GRID1: variants seen among roughly 807,000 people sequenced by gnomAD.
GRID1 encodes glutamate receptor ionotropic, delta-1.
GRID1 carries 28 observed loss-of-function variants against 98.0 expected under a neutral mutation model. That is an observed-to-expected ratio of 0.29 (90% CI 0.21 to 0.39). The LOEUF (loss-of-function observed/expected upper bound fraction) is 0.39, where lower values mean the gene tolerates loss of function less well. Among genes scored for constraint, GRID1 ranks in the 10% least tolerant of loss-of-function variants. GRID1 has a pLI of 1.00. For synonymous variants in GRID1, 553 were observed against 538.5 expected (o/e 1.03, Z -0.37); for missense variants, 1,111 against 1,340.5 (o/e 0.83, Z 2.67).
intron 12 of GRID1, among the ~76,000 whole-genome samples, chr10:85,670,289 A>C (rs894865632): frequency 4.6e-5 from 7 of 152,140 alleles, no homozygotes; most frequent in African/African-American, 1.7e-4. Flanking sequence ...TAGACGATTC[A>C]AAGACCAAAA....
intron 5 of GRID1, among the ~76,000 whole-genome samples, chr10:85,882,395 T>C: frequency 2.0e-5 from 3 of 152,072 alleles, no homozygotes; most frequent in African/African-American, 7.3e-5. Flanking sequence ...AATGATAGAC[T>C]GGATTAAGAA....
intron 2 of GRID1, among the ~76,000 whole-genome samples, chr10:86,300,777 C>T (rs1359615372): frequency 2.6e-5 from 4 of 152,076 alleles, no homozygotes; most frequent in Admixed American, 6.5e-5. Flanking sequence ...TTTCCCCGGG[C>T]TCCAGTCCGC....
chr10:85,938,859 C>G (rs1277383815), intron 4 of GRID1, among the ~76,000 whole-genome samples: 1 of 152,190 alleles, frequency 6.6e-6, no homozygotes, highest in African/African-American at 2.4e-5. Flanking sequence ...CAACAACAAT[C>G]TCTCATATTC....
intron 2 of GRID1, among the ~76,000 whole-genome samples, chr10:86,246,195 C>G (rs1383882106): frequency 6.6e-6 from 1 of 152,234 alleles, no homozygotes; most frequent in African/African-American, 2.4e-5. Flanking sequence ...TTAGAGCCAG[C>G]CTGGAGGGCA....
At chr10:86,153,568 A>G (rs1048387666) in intron 3 of GRID1, among the ~76,000 whole-genome samples, 1 of 152,188 alleles carries the variant, frequency 6.6e-6, no homozygotes, top group Non-Finnish European at 1.5e-5. Flanking sequence ...TTCCATGTCT[A>G]GGGACATCAT....
chr10:86,149,592 G>T (rs1448609838), intron 3 of GRID1, among the ~76,000 whole-genome samples: 2 of 152,200 alleles, frequency 1.3e-5, no homozygotes. Flanking sequence ...AATCAGGCTG[G>T]AAGATCGAGA....
intron 3 of GRID1, among the ~76,000 whole-genome samples, chr10:86,200,928 T>C (rs529630764): frequency 1.8e-4 from 27 of 152,264 alleles, no homozygotes; most frequent in Admixed American, 1.2e-3. Context: ...CAAGTGTTGG[T>C]GAGGTTAGGG....
Position 85,775,285 on chromosome 10 carries a change from AT to A in GRID1, c.1234-45672del, listed in dbSNP as rs566607676. Among the ~76,000 whole-genome samples the A allele has an allele frequency of 3.4e-3, 459 of 136,674 alleles. 3 individuals are homozygous for A. The highest frequency in any genetic ancestry group is 0.012 in the African/African-American group (436 of 37,024). The allele number at this position is 136,674 out of a possible 152,430, so 89.7% of individuals were successfully genotyped here. A position where few individuals can be genotyped will look rare whatever the true frequency, so the allele number is the denominator to read the frequency against. ...GGTGGGAATTGAACAATGAGAACACATGGACACAGGAAGGGGAACATCACAC... is the reference window on the plus strand; with the variant it reads ...GGTGGGAATTGAACAATGAGAACACAGGACACAGGAAGGGGAACATCACAC... On this transcript the variant is annotated intron_variant, in intron 8 of 15. Coordinates refer to ENST00000327946, the MANE Select transcript of GRID1 (RefSeq NM_017551.3).
intron 12 of GRID1, among the ~76,000 whole-genome samples, chr10:85,710,169 C>T (rs1274056880): frequency 2.0e-5 from 3 of 151,942 alleles, no homozygotes; most frequent in East Asian, 1.9e-4. Flanking sequence ...ATAGCCAAAA[C>T]GTCTTGGAAA....
At chr10:86,246,284 C>T (rs1428904391) in intron 2 of GRID1, among the ~76,000 whole-genome samples, 1 of 152,248 alleles carries the variant, frequency 6.6e-6, no homozygotes, top group South Asian at 2.1e-4. Context: ...CAGGTAAAGC[C>T]ACAGGGCCTT....
intron 10 of GRID1, among the ~76,000 whole-genome samples, chr10:85,725,392 C>T (rs1411063663): frequency 6.6e-6 from 1 of 152,136 alleles, no homozygotes; most frequent in Non-Finnish European, 1.5e-5. Context: ...TCTGGATGTG[C>T]CCTACTATGA....
chr10:85,881,393 C>G (rs1240149934), intron 5 of GRID1, among the ~76,000 whole-genome samples: 2 of 152,154 alleles, frequency 1.3e-5, no homozygotes. Flanking sequence ...GCTACAGTCA[C>G]CAAAACAGCA....
chr10:85,679,439 T>C (rs1564557215), intron 12 of GRID1, among the ~76,000 whole-genome samples: 1 of 152,204 alleles, frequency 6.6e-6, no homozygotes. Flanking sequence ...CAGCCCTGAC[T>C]TTTCCCCGAC....
chr10:85,787,709 C>G (rs1288950528), intron 8 of GRID1, among the ~76,000 whole-genome samples: 3 of 152,150 alleles, frequency 2.0e-5, no homozygotes, highest in African/African-American at 4.8e-5. Flanking sequence ...AGCACACTGC[C>G]CAGTTGCATC....
chr10:85,769,591 G>A (rs948204175), intron 8 of GRID1, among the ~76,000 whole-genome samples: 3 of 152,300 alleles, frequency 2.0e-5, no homozygotes, highest in Middle Eastern at 3.4e-3. Context: ...GGTAACAGAC[G>A]GCACCTGGGA....
intron 12 of GRID1, among the ~76,000 whole-genome samples, chr10:85,664,158 C>T (rs932042892): frequency 6.6e-6 from 1 of 152,170 alleles, no homozygotes; most frequent in Non-Finnish European, 1.5e-5. Context: ...AGGATCATAA[C>T]CTCCTTGGGC....
chr10:86,012,602 C>G (rs915395604), intron 4 of GRID1, among the ~76,000 whole-genome samples: 6 of 152,170 alleles, frequency 3.9e-5, no homozygotes, highest in African/African-American at 1.4e-4. Context: ...CCCCAAAATT[C>G]AGGTGTTGCA....
chr10:86,229,472 C>T (rs549503115), intron 2 of GRID1, among the ~76,000 whole-genome samples: 11 of 152,314 alleles, frequency 7.2e-5, no homozygotes, highest in African/African-American at 2.4e-4. Context: ...TAATAATAGC[C>T]CCGCCTCACA....
intron 4 of GRID1, among the ~76,000 whole-genome samples, chr10:85,991,586 T>A (rs564148497): frequency 1.3e-5 from 2 of 151,740 alleles, no homozygotes; most frequent in Non-Finnish European, 2.9e-5. Context: ...AACTGCCAAG[T>A]CAGGAGGGCT....
Sources: gnomAD v4.1 joint callset for allele counts (sites outside exome capture counted in the v4.1 genomes callset) on GRCh38, gnomAD v4.1.1 for gene constraint, MANE v1.5 for transcripts, NCBI Gene and HGNC (gene_info 2026-07-23, HGNC 2026-07-21) for gene names.